Variants in TENM3 observed in about 807,000 individuals in gnomAD.
TENM3 encodes the protein teneurin transmembrane protein 3, also known as teneurin-3.
TENM3 carries 63 observed loss-of-function variants against 255.1 expected under a neutral mutation model. The ratio of observed to expected loss-of-function variants is 0.25; its 90% CI spans 0.20 to 0.30. The LOEUF is 0.30. TENM3 is among the 10% of genes least tolerant of loss of function. The pLI is 1.00. For missense variants in TENM3, 2,929 were observed against 3,461.1 expected, an observed-to-expected ratio of 0.85 and a Z score of 3.86; for synonymous variants, 1,306 against 1,322.3, an observed-to-expected ratio of 0.99 and a Z score of 0.27.
At position 182,775,167 on chromosome 4, in the gene TENM3, G is replaced by A. The variant is rs1224492063; in HGVS notation, c.5304+14G>A. 6.2e-7 allele frequency: 1 copy of A among 1,612,180 alleles called. No homozygotes were observed. Among genetic ancestry groups the A allele is most frequent in the Non-Finnish European group, 8.5e-7 (1 of 1,178,304 alleles). On this transcript the variant is annotated intron_variant, in intron 24 of 27. Transcript: ENST00000511685. ...CGCAAGCTCAGGGTACGTACGTGTT[G>A]TGGAGCAGGAGATAGCTGCAGCCCT...
intron 3 of TENM3, among the ~76,000 whole-genome samples, chr4:182,503,773 G>A (rs950692631): frequency 6.6e-6 from 1 of 152,008 alleles, no homozygotes; most frequent in African/African-American, 2.4e-5. Context: ...CAAATTGCAT[G>A]GGAAATATGA....
the TENM3 span, among the ~76,000 whole-genome samples, chr4:181,998,068 T>C: frequency 6.6e-6 from 1 of 152,204 alleles, no homozygotes; most frequent in Non-Finnish European, 1.5e-5. Flanking sequence ...ATATTGCTGT[T>C]TGCCACTAAC....
chr4:182,191,757 A>G (rs995273679), intron 1 of TENM3, among the ~76,000 whole-genome samples: 3 of 152,198 alleles, frequency 2.0e-5, no homozygotes, highest in Non-Finnish European at 4.4e-5. Context: ...TCAGCCAGAG[A>G]TCTAAAGCCC....
the TENM3 span, among the ~76,000 whole-genome samples, chr4:182,135,960 C>T: frequency 6.6e-6 from 1 of 152,188 alleles, no homozygotes; most frequent in Non-Finnish European, 1.5e-5. Flanking sequence ...GAAAATAGTA[C>T]TGTCATTAAA....
intron 1 of TENM3, among the ~76,000 whole-genome samples, chr4:182,166,890 A>G (rs1751758867): frequency 6.6e-6 from 1 of 151,998 alleles, no homozygotes. Flanking sequence ...TTTTTTTTAA[A>G]GACTTAGAAT....
intron 1 of TENM3, among the ~76,000 whole-genome samples, chr4:182,287,264 G>A (rs1326971728): frequency 1.3e-5 from 2 of 152,086 alleles, no homozygotes; most frequent in East Asian, 3.9e-4. Context: ...TTCCCAAATC[G>A]CCCAGTGTGA....
chr4:182,099,198 A>C, the TENM3 span, among the ~76,000 whole-genome samples: 1 of 152,206 alleles, frequency 6.6e-6, no homozygotes, highest in East Asian at 1.9e-4. Context: ...TACAGGGCTC[A>C]GGCAGTCCAC....
chr4:181,547,956 C>G, the TENM3 span, among the ~76,000 whole-genome samples: 1 of 151,978 alleles, frequency 6.6e-6, no homozygotes, highest in South Asian at 2.1e-4. Flanking sequence ...CTATCCCTCC[C>G]CCGTCCCCCC....
At chr4:181,767,037 G>A in the TENM3 span, among the ~76,000 whole-genome samples, 2 of 146,092 alleles carry the variant, frequency 1.4e-5, no homozygotes, top group Non-Finnish European at 1.5e-5. Flanking sequence ...CGGATCACGA[G>A]GTCAGGAGAT....
chr4:182,784,344 G>T (rs561688849), intron 24 of TENM3, among the ~76,000 whole-genome samples: 1 of 152,050 alleles, frequency 6.6e-6, no homozygotes, highest in Admixed American at 6.5e-5. Flanking sequence ...CTGCTGGGGG[G>T]TGCCTCCCAG....
chr4:182,585,062 C>G (rs150469701), intron 3 of TENM3, among the ~76,000 whole-genome samples: 132 of 152,156 alleles, frequency 8.7e-4, no homozygotes, highest in African/African-American at 3.0e-3. Context: ...AAAAGAAATA[C>G]GGCAAAAACA....
In TENM3 at chr4:182,705,095, C is replaced by G. The variant is rs578221500; in HGVS notation, c.2222-8992C>G. On this transcript the variant is annotated intron_variant, in intron 12 of 27. Coordinates refer to ENST00000511685, the MANE Select transcript of TENM3 (RefSeq NM_001080477.4). ...GCAGTGAGCAGCAGTTAAGGAACAT[C>G]AAATCAATGGGTGTGCACCTTGCAC... is the stretch of plus-strand genomic sequence containing the variant. Among the ~76,000 whole-genome samples the G allele has an allele frequency of 2.0e-5, 3 of 152,266 alleles. No homozygotes were observed. The South Asian group carries it at 6.2e-4, about 32-fold the overall frequency.
the TENM3 span, among the ~76,000 whole-genome samples, chr4:181,474,744 A>C: frequency 2.0e-5 from 3 of 148,394 alleles, no homozygotes; most frequent in South Asian, 2.1e-4. Context: ...CAAAACAAAA[A>C]AAAAAAAAAC....
chr4:182,796,857 C>G, intron 27 of TENM3, 90 bp downstream of exon 27: 1 of 1,013,294 alleles, frequency 9.9e-7, no homozygotes, highest in East Asian at 2.8e-5. Context: ...GAAAACTGTA[C>G]CAAAGACAGT....
chr4:181,600,135 T>C, the TENM3 span, among the ~76,000 whole-genome samples: 1 of 152,392 alleles, frequency 6.6e-6, no homozygotes, highest in Non-Finnish European at 1.5e-5. Context: ...ATTGCTAAGA[T>C]TAAGCTACAT....
At chr4:181,747,018 A>G in the TENM3 span, among the ~76,000 whole-genome samples, 1 of 152,020 alleles carries the variant, frequency 6.6e-6, no homozygotes, top group Non-Finnish European at 1.5e-5. Flanking sequence ...TTGCTTCTGT[A>G]TTCATGAAGT....
chr4:182,662,103 A>G (rs756058930), intron 6 of TENM3, among the ~76,000 whole-genome samples: 3 of 152,180 alleles, frequency 2.0e-5, no homozygotes, highest in Non-Finnish European at 4.4e-5. Flanking sequence ...TTTTCAGTTC[A>G]AAGTACTTTT....
the TENM3 span, among the ~76,000 whole-genome samples, chr4:181,532,277 A>G: frequency 6.6e-6 from 1 of 152,176 alleles, no homozygotes; most frequent in African/African-American, 2.4e-5. Context: ...ACTAAGATGT[A>G]GACTTTTATC....
chr4:182,461,732 A>G (rs1005393072), intron 3 of TENM3, among the ~76,000 whole-genome samples: 4 of 152,154 alleles, frequency 2.6e-5, no homozygotes, highest in African/African-American at 9.7e-5. Context: ...AAGGCAGGGG[A>G]CTTCTGTTCA....
Sources: gnomAD v4.1 joint callset for allele counts (sites outside exome capture counted in the v4.1 genomes callset) on GRCh38, gnomAD v4.1.1 for gene constraint, MANE v1.5 for transcripts, NCBI Gene and HGNC (gene_info 2026-07-23, HGNC 2026-07-21) for gene names.